The following SCYL2 variants were observed in gnomAD, a reference collection of about 807,000 sequenced individuals.
The protein encoded by SCYL2 is SCY1 like pseudokinase 2, also known as SCY1-like protein 2.
Under a neutral mutation model 100.4 loss-of-function variants are expected in SCYL2, and 36 were observed. The ratio of observed to expected loss-of-function variants is 0.36; its 90% CI spans 0.27 to 0.47. The LOEUF is 0.47. Ranked by LOEUF, SCYL2 falls within the 20% of genes least tolerant of loss-of-function variation. The pLI, the probability that SCYL2 is intolerant of heterozygous loss-of-function variation, is 1.00. For missense variants in SCYL2, 902 were observed against 1,083.9 expected (o/e 0.83, Z 2.36); for synonymous variants, 330 against 359.2 (o/e 0.92, Z 0.92).
intron 2 of SCYL2, among the ~76,000 whole-genome samples, chr12:100,288,701 G>A (rs1592935540): frequency 6.6e-6 from 1 of 151,882 alleles, no homozygotes; most frequent in African/African-American, 2.4e-5. Flanking sequence ...GCTGGGCATG[G>A]TGGTGTGTGG....
At chr12:100,287,023 A>C (rs1332014329) in intron 2 of SCYL2, among the ~76,000 whole-genome samples, 1 of 151,984 alleles carries the variant, frequency 6.6e-6, no homozygotes, top group Non-Finnish European at 1.5e-5. Context: ...TCAGATGAAA[A>C]ATGAAGTGTG....
At chr12:100,315,988 C>T (rs2135908104) in intron 9 of SCYL2, among the ~76,000 whole-genome samples, 1 of 152,154 alleles carries the variant, frequency 6.6e-6, no homozygotes. Flanking sequence ...TGAAATTTTG[C>T]ATGTGTTATA....
intron 2 of SCYL2, among the ~76,000 whole-genome samples, chr12:100,286,652 C>T (rs1007979687): frequency 6.6e-6 from 1 of 152,010 alleles, no homozygotes; most frequent in African/African-American, 2.4e-5. Context: ...TTGTTCATAT[C>T]TTATCCACTC....
chr12:100,307,569 A>G lies in SCYL2; in HGVS notation c.481-3475A>G, dbSNP rs2096336167. Among the ~76,000 whole-genome samples, 3 of 152,330 alleles carry G rather than the reference A, an allele frequency of 2.0e-5. No homozygotes were observed. The South Asian group carries it at 6.2e-4, about 32-fold the overall frequency. ...GAAGAAAACCTAGGCAATACCATTC[A>G]GGACTTAGGCATGGGGAAAGACTTC... On this transcript the variant is annotated intron_variant, in intron 4 of 17. Coordinates refer to ENST00000360820, the MANE Select transcript of SCYL2 (RefSeq NM_017988.6).
intron 1 of SCYL2, among the ~76,000 whole-genome samples, chr12:100,278,192 T>TTTTTG (rs577576254): frequency 9.2e-5 from 14 of 152,282 alleles, no homozygotes; most frequent in Admixed American, 4.6e-4. Flanking sequence ...CTTTAAGTTT[T>TTTTTG]TTTTGTTTTG....
chr12:100,274,917 G>T (rs2096291101), intron 1 of SCYL2, among the ~76,000 whole-genome samples: 1 of 152,172 alleles, frequency 6.6e-6, no homozygotes, highest in Admixed American at 6.5e-5. Context: ...GAATCAGTTT[G>T]TCACTTTCTA....
intron 10 of SCYL2, among the ~76,000 whole-genome samples, chr12:100,323,270 T>C (rs555668856): frequency 7.9e-4 from 121 of 152,248 alleles, no homozygotes; most frequent in African/African-American, 2.9e-3. Flanking sequence ...TCAGGGAGTT[T>C]GGATGTCATA....
At chr12:100,330,478 A>G (rs1031655294) in intron 13 of SCYL2, among the ~76,000 whole-genome samples, 5 of 152,244 alleles carry the variant, frequency 3.3e-5, no homozygotes, top group Non-Finnish European at 5.9e-5. Context: ...TAGTGCAATG[A>G]CAGAAGCAAA....
At chr12:100,279,385 G>A (rs778266698) in intron 1 of SCYL2, among the ~76,000 whole-genome samples, 1 of 152,232 alleles carries the variant, frequency 6.6e-6, no homozygotes, top group Admixed American at 6.5e-5. Flanking sequence ...TCTGCAGCCC[G>A]GTTCCTAATA....
At chr12:100,294,408 C>T (rs1435866076) in intron 3 of SCYL2, among the ~76,000 whole-genome samples, 144 of 103,016 alleles carry the variant, frequency 1.4e-3, no homozygotes, top group East Asian at 1.8e-3. Context: ...CCCTCCCGGA[C>T]GGGGCGGCTG....
chr12:100,338,946 A>G lies in SCYL2; in HGVS notation c.2564A>G (p.Gln855Arg), dbSNP rs1444081728. ...CAGAAACCCAAAGTTAGCATGAACC[A>G]GTTATCACAACAGAAACCAAATCAG... ...GPQKPKVSMN[Q>R]LSQQKPNQWL... The change falls in exon 18 of 18, where the codon CAG becomes CGG. Residue 855 changes from glutamine to arginine, a missense_variant. Transcript: ENST00000360820. The G allele has an allele frequency of 6.2e-7, 1 of 1,614,056 alleles. No individual in the cohort carries two copies. The highest frequency in any genetic ancestry group is 8.5e-7 in the Non-Finnish European group (1 of 1,179,992).
In SCYL2 at chr12:100,323,628, C is replaced by T; in HGVS notation, c.1499C>T (p.Ser500Phe). ...PRIKNACLQTSSLAVRVNSLV... is the reference protein window; with the variant it reads ...PRIKNACLQTFSLAVRVNSLV... ...ATTAAAAATGCTTGTCTACAAACAT[C>T]TTCCCTTGCGGTAAGTAATTGCATA... is the stretch of plus-strand genomic sequence containing the variant. The change falls in exon 11 of 18, where the codon TCT (serine) becomes TTT (phenylalanine). Residue 500 changes from serine (S) to phenylalanine (F), a missense_variant. Coordinates refer to ENST00000360820, the MANE Select transcript of SCYL2 (RefSeq NM_017988.6). The T allele has an allele frequency of 6.4e-7, 1 of 1,570,100 alleles. No individual in the cohort carries two copies. The highest frequency in any genetic ancestry group is 8.7e-7 in the Non-Finnish European group (1 of 1,147,580).
chr12:100,270,997 T>C (rs952168258), intron 1 of SCYL2, among the ~76,000 whole-genome samples: 1 of 152,118 alleles, frequency 6.6e-6, no homozygotes, highest in Non-Finnish European at 1.5e-5. Flanking sequence ...TAATCTGTTC[T>C]GGCTTAACTA....
At chr12:100,315,312 G>A (rs1014256184) in intron 8 of SCYL2, among the ~76,000 whole-genome samples, 3 of 152,160 alleles carry the variant, frequency 2.0e-5, no homozygotes, top group Admixed American at 6.5e-5. Flanking sequence ...ACTAATTAGG[G>A]TAAGTTTCCT....
chr12:100,328,113 A>G (rs1309331434), intron 12 of SCYL2, among the ~76,000 whole-genome samples: 3 of 152,044 alleles, frequency 2.0e-5, no homozygotes, highest in Non-Finnish European at 4.4e-5. Flanking sequence ...CCCCATCTCT[A>G]CTAGAAATAC....
In SCYL2 at chr12:100,317,562, A is replaced by G. The variant is rs1005497923; in HGVS notation, c.1273-241A>G. Reference sequence around the variant, plus strand: ...GGGCAAGTGATAGATTACTGTAGATATGTGAGAGGAGATTAGTCTTTATTT... The same window carrying G: ...GGGCAAGTGATAGATTACTGTAGATGTGTGAGAGGAGATTAGTCTTTATTT... On this transcript the variant is annotated intron_variant, in intron 9 of 17. Coordinates refer to ENST00000360820, the MANE Select transcript of SCYL2 (RefSeq NM_017988.6). The G allele has an allele frequency of 4.2e-5, 35 of 833,250 alleles. No individual in the cohort carries two copies. In the African/African-American group the frequency reaches 4.4e-4, roughly 11 times the overall value. The allele number at this position is 833,250 out of a possible 1,614,324, so 51.6% of individuals were successfully genotyped here. A position where few individuals can be genotyped will look rare whatever the true frequency, so the allele number is the denominator to read the frequency against.
Position 100,315,574 on chromosome 12 carries a change from G to T in SCYL2, c.1112G>T (p.Arg371Ile). Residue 371 changes from arginine to isoleucine, a missense_variant, in exon 9 of 18, where the codon AGA (arginine) becomes ATA (isoleucine). Coordinates refer to ENST00000360820, the MANE Select transcript of SCYL2 (RefSeq NM_017988.6). ...PKLPKRVIVQ[R>I]ILPCLTSEFV... ...GCCTTTCAGCGTGTCATTGTGCAGA[G>T]AATTTTGCCTTGTTTGACTTCAGAA... 1 of 1,599,254 alleles carries T rather than the reference G, an allele frequency of 6.3e-7. No homozygotes were observed. Among genetic ancestry groups the T allele is most frequent in the African/African-American group, 1.3e-5 (1 of 74,594 alleles).
At chr12:100,310,892 G>A (rs60199219) in intron 4 of SCYL2, 152 bp from the exon 5 acceptor site, 2 of 642,546 alleles carry the variant, frequency 3.1e-6, no homozygotes, top group Non-Finnish European at 4.8e-6. Context: ...CTACATCTGT[G>A]TATACTTTGG....
intron 1 of SCYL2, among the ~76,000 whole-genome samples, chr12:100,276,301 T>C (rs976949772): frequency 6.6e-6 from 1 of 152,150 alleles, no homozygotes; most frequent in African/African-American, 2.4e-5. Flanking sequence ...TTATTGGTCA[T>C]TTGTGTCTTT....
Sources: allele counts gnomAD v4.1 joint callset (sites outside exome capture counted in the v4.1 genomes callset), GRCh38; gene constraint gnomAD v4.1.1; transcripts MANE v1.5; gene names NCBI Gene and HGNC (gene_info 2026-07-23, HGNC 2026-07-21).